Variants in FOXN3 observed in about 807,000 individuals in gnomAD.
The protein encoded by FOXN3 is forkhead box protein N3.
In FOXN3, 7 loss-of-function variants were observed where a neutral mutation model predicts 38.4. That is an observed-to-expected ratio of 0.18 (90% CI 0.10 to 0.34). FOXN3 has a LOEUF of 0.34. FOXN3 is among the 10% of genes least tolerant of loss of function. The pLI, the probability that FOXN3 is intolerant of heterozygous loss-of-function variation, is 1.00. For synonymous variants in FOXN3, 230 were observed against 242.2 expected, an observed-to-expected ratio of 0.95 and a Z score of 0.47; for missense variants, 456 against 613.4, an observed-to-expected ratio of 0.74 and a Z score of 2.71.
chr14:89,368,574 A>G (rs1890223642), intron 2 of FOXN3, among the ~76,000 whole-genome samples: 1 of 152,152 alleles, frequency 6.6e-6, no homozygotes, highest in Non-Finnish European at 1.5e-5. Flanking sequence ...GAGCCCAGGG[A>G]GGTCAAGGCT....
intron 3 of FOXN3, among the ~76,000 whole-genome samples, chr14:89,321,640 T>A (rs1245523693): frequency 6.6e-6 from 1 of 152,202 alleles, no homozygotes; most frequent in African/African-American, 2.4e-5. Context: ...ATTCACTTTC[T>A]AGACTTTGGC....
intron 2 of FOXN3, among the ~76,000 whole-genome samples, chr14:89,410,779 G>A (rs1267942574): frequency 6.6e-6 from 1 of 151,848 alleles, no homozygotes. Flanking sequence ...AGGCTGAGAT[G>A]CGAGGATCAC....
intron 1 of FOXN3, among the ~76,000 whole-genome samples, chr14:89,554,944 A>C (rs565056872): frequency 3.9e-4 from 60 of 152,014 alleles, no homozygotes; most frequent in African/African-American, 1.3e-3. Context: ...ACCCAGCACC[A>C]TGCCTGGCTG....
intron 3 of FOXN3, among the ~76,000 whole-genome samples, chr14:89,314,571 C>T (rs1248403857): frequency 6.6e-6 from 1 of 152,176 alleles, no homozygotes; most frequent in Non-Finnish European, 1.5e-5. Context: ...ATTCCTCTTC[C>T]AGATTTTCTT....
intron 1 of FOXN3, among the ~76,000 whole-genome samples, chr14:89,593,074 A>C: frequency 8.5e-6 from 1 of 117,360 alleles, no homozygotes; most frequent in South Asian, 3.2e-4. Context: ...GGAGGGAGGG[A>C]GGGAATGAGG....
At chr14:89,204,141 T>C (rs995617059) in intron 4 of FOXN3, among the ~76,000 whole-genome samples, 2 of 151,560 alleles carry the variant, frequency 1.3e-5, no homozygotes, top group Non-Finnish European at 2.9e-5. Context: ...GATCTCTCTC[T>C]TTCTCCCTTA....
chr14:89,270,302 G>T (rs1293697938), intron 4 of FOXN3, among the ~76,000 whole-genome samples: 3 of 152,182 alleles, frequency 2.0e-5, no homozygotes, highest in Non-Finnish European at 4.4e-5. Flanking sequence ...GCTGGGGAAG[G>T]ATCTATGTTA....
intron 3 of FOXN3, among the ~76,000 whole-genome samples, chr14:89,334,601 C>T (rs1338374654): frequency 2.1e-5 from 2 of 93,978 alleles, no homozygotes; most frequent in Non-Finnish European, 2.6e-5. Context: ...GAGAACAAGA[C>T]TTCATCAAAC....
intron 1 of FOXN3, among the ~76,000 whole-genome samples, chr14:89,586,553 C>T (rs1302698794): frequency 2.6e-5 from 4 of 152,198 alleles, no homozygotes; most frequent in Admixed American, 2.0e-4. Flanking sequence ...TATCCCTGAT[C>T]ATGACTCAAA....
At chr14:89,503,310 AG>A (rs1005821042) in intron 1 of FOXN3, among the ~76,000 whole-genome samples, 4 of 152,118 alleles carry the variant, frequency 2.6e-5, no homozygotes, top group African/African-American at 9.7e-5. Flanking sequence ...ACCAAAATGA[AG>A]AAAAAAAAAA....
intron 1 of FOXN3, among the ~76,000 whole-genome samples, chr14:89,528,381 T>TTTTTTTTTTTTTTTTG (rs1894476373): frequency 1.6e-5 from 1 of 61,948 alleles, no homozygotes; most frequent in African/African-American, 6.7e-5. Flanking sequence ...TGAATCTTTT[T>TTTTTTTTTTTTTTTTG]TTTTTTTTTT....
intron 3 of FOXN3, among the ~76,000 whole-genome samples, chr14:89,339,552 G>A (rs1328438814): frequency 6.6e-6 from 1 of 152,220 alleles, no homozygotes; most frequent in Non-Finnish European, 1.5e-5. Context: ...TGGGGAGGCA[G>A]AAGGACCTCT....
chr14:89,255,267 A>G (rs1885581009), intron 4 of FOXN3, among the ~76,000 whole-genome samples: 1 of 152,166 alleles, frequency 6.6e-6, no homozygotes, highest in African/African-American at 2.4e-5. Context: ...ATTTTCACAA[A>G]TGCGGCATTT....
intron 1 of FOXN3, among the ~76,000 whole-genome samples, chr14:89,550,958 A>G (rs551782534): frequency 6.6e-6 from 1 of 152,312 alleles, no homozygotes; most frequent in South Asian, 2.1e-4. Flanking sequence ...ACAGTCTTCT[A>G]CTTCTTGTTG....
At chr14:89,465,992 C>T (rs901858755) in intron 1 of FOXN3, among the ~76,000 whole-genome samples, 5 of 152,228 alleles carry the variant, frequency 3.3e-5, no homozygotes, top group Admixed American at 6.5e-5. Context: ...GCTTTATTCA[C>T]TTATGCACAT....
intron 1 of FOXN3, among the ~76,000 whole-genome samples, chr14:89,436,022 T>TC (rs1258593532): frequency 1.3e-5 from 2 of 151,330 alleles, no homozygotes; most frequent in East Asian, 3.9e-4. Context: ...ATTTTTTTTT[T>TC]CAGAGATAGG....
chr14:89,239,207 T>C (rs1420967891), intron 4 of FOXN3, among the ~76,000 whole-genome samples: 1 of 152,182 alleles, frequency 6.6e-6, no homozygotes, highest in Non-Finnish European at 1.5e-5. Context: ...AAGCAGGCAA[T>C]TTTCCTAGTT....
intron 4 of FOXN3, among the ~76,000 whole-genome samples, chr14:89,252,019 C>T (rs1271263659): frequency 1.3e-5 from 2 of 152,236 alleles, no homozygotes; most frequent in East Asian, 1.9e-4. Flanking sequence ...TTTGGAAGAA[C>T]TGTGTCTTGA....
intron 3 of FOXN3, among the ~76,000 whole-genome samples, chr14:89,287,192 C>T (rs1226972101): frequency 6.6e-6 from 1 of 152,052 alleles, no homozygotes; most frequent in Non-Finnish European, 1.5e-5. Context: ...CTTGCTCTGT[C>T]GTTCAGACTG....
Sources: gnomAD v4.1 joint callset for allele counts (sites outside exome capture counted in the v4.1 genomes callset) on GRCh38, gnomAD v4.1.1 for gene constraint, MANE v1.5 for transcripts, NCBI Gene and HGNC (gene_info 2026-07-23, HGNC 2026-07-21) for gene names.